DDAH1: variants seen among roughly 807,000 people sequenced by gnomAD.
DDAH1 encodes the protein dimethylarginine dimethylaminohydrolase 1, also known as N(G),N(G)-dimethylarginine dimethylaminohydrolase 1.
Under a neutral mutation model 28.8 loss-of-function variants are expected in DDAH1, and 19 were observed. The ratio of observed to expected loss-of-function variants is 0.66; its 90% CI spans 0.46 to 0.97. The LOEUF (loss-of-function observed/expected upper bound fraction) is 0.97. Among genes scored for constraint, DDAH1 ranks in the 50% least tolerant of loss-of-function variants. The pLI is 0.00. For synonymous variants in DDAH1, 153 were observed against 154.4 expected (o/e 0.99, Z 0.07); for missense variants, 326 against 375.9 (o/e 0.87, Z 1.10).
chr1:85,398,007 A>G (rs1250284254), intron 1 of DDAH1, among the ~76,000 whole-genome samples: 6 of 140,656 alleles, frequency 4.3e-5, no homozygotes, highest in Non-Finnish European at 9.2e-5. Flanking sequence ...TTTTTTTTTC[A>G]TAAATTACCC....
intron 1 of DDAH1, among the ~76,000 whole-genome samples, chr1:85,450,634 A>T (rs992231762): frequency 1.3e-5 from 2 of 152,200 alleles, no homozygotes; most frequent in East Asian, 3.8e-4. Flanking sequence ...CACAGCATTC[A>T]AAAAACTTTG....
intron 2 of DDAH1, among the ~76,000 whole-genome samples, chr1:85,483,460 T>C (rs1046031423): frequency 2.6e-5 from 4 of 152,172 alleles, no homozygotes; most frequent in Non-Finnish European, 4.4e-5. Flanking sequence ...AAAAAATCTT[T>C]AGTATTTTAA....
At chr1:85,445,063 T>C (rs2100659724) in intron 1 of DDAH1, among the ~76,000 whole-genome samples, 1 of 152,284 alleles carries the variant, frequency 6.6e-6, no homozygotes, top group Non-Finnish European at 1.5e-5. Context: ...GTCTCTCTTT[T>C]CACATTTTTC....
At chr1:85,475,297 C>T (rs561208847) in intron 2 of DDAH1, among the ~76,000 whole-genome samples, 31 of 152,212 alleles carry the variant, frequency 2.0e-4, no homozygotes, top group Admixed American at 9.8e-4. Context: ...GCTCAACAAA[C>T]GTTAGCCACT....
At chr1:85,336,457 T>TAAGA (rs1055077422) in intron 4 of DDAH1, among the ~76,000 whole-genome samples, 2 of 150,768 alleles carry the variant, frequency 1.3e-5, no homozygotes, top group Non-Finnish European at 3.0e-5. Context: ...ATGAAGAAAT[T>TAAGA]AAGAAAGAAA....
chr1:85,366,207 A>G (rs1317846769), intron 1 of DDAH1, among the ~76,000 whole-genome samples: 1 of 152,342 alleles, frequency 6.6e-6, no homozygotes, highest in South Asian at 2.1e-4. Flanking sequence ...AAAAGTTATC[A>G]AAGTCAAATA....
rs1015701223 is a variant in DDAH1, at chr1:85,474,861, A to G, written c.-7+21305T>C. Among the ~76,000 whole-genome samples the G allele has an allele frequency of 2.0e-5, 3 of 152,100 alleles. No homozygotes were observed. The East Asian group carries it at 5.8e-4, about 29-fold the overall frequency. Reference sequence around the variant, plus strand: ...AGAATCTATGATTCTGTTGCTCCCAATGCTTATAAATTGCTATGGGAGAGT... The same window carrying G: ...AGAATCTATGATTCTGTTGCTCCCAGTGCTTATAAATTGCTATGGGAGAGT... On this transcript the variant is annotated intron_variant, in intron 2 of 6. Transcript: ENST00000426972.
At chr1:85,551,683 T>A (rs1191312182) in intron 1 of DDAH1, among the ~76,000 whole-genome samples, 1 of 152,198 alleles carries the variant, frequency 6.6e-6, no homozygotes, top group East Asian at 1.9e-4. Context: ...ATACACATGA[T>A]GCTAAAATGG....
chr1:85,345,089 A>G (rs2100830731), intron 4 of DDAH1, among the ~76,000 whole-genome samples: 1 of 152,280 alleles, frequency 6.6e-6, no homozygotes, highest in Non-Finnish European at 1.5e-5. Flanking sequence ...GGCCCTCTGG[A>G]CCATGACTGC....
At chr1:85,554,557 TCTTAA>T (rs1379348929) in intron 1 of DDAH1, among the ~76,000 whole-genome samples, 1 of 152,238 alleles carries the variant, frequency 6.6e-6, no homozygotes, top group African/African-American at 2.4e-5. Flanking sequence ...CCTGGAGAAG[TCTTAA>T]CTTTGTCTCT....
chr1:85,339,892 A>C (rs1376095175), intron 4 of DDAH1, among the ~76,000 whole-genome samples: 1 of 152,190 alleles, frequency 6.6e-6, no homozygotes, highest in African/African-American at 2.4e-5. Context: ...GACCGAAGGT[A>C]CTGGTGTTGG....
intron 1 of DDAH1, among the ~76,000 whole-genome samples, chr1:85,418,610 C>A (rs1652990427): frequency 6.6e-6 from 1 of 152,198 alleles, no homozygotes; most frequent in Admixed American, 6.5e-5. Context: ...TGCTCGTTTG[C>A]AGAGGAAGTC....
At chr1:85,332,553 G>A (rs1647839499) in intron 4 of DDAH1, among the ~76,000 whole-genome samples, 2 of 152,136 alleles carry the variant, frequency 1.3e-5, no homozygotes, top group African/African-American at 4.8e-5. Flanking sequence ...CCACAGCCTG[G>A]GCCCATGGGC....
chr1:85,519,965 T>C (rs1454146604), intron 1 of DDAH1, among the ~76,000 whole-genome samples: 1 of 139,636 alleles, frequency 7.2e-6, no homozygotes, highest in African/African-American at 2.5e-5. Flanking sequence ...TCATTCTTTT[T>C]TTTCCCCTTT....
intron 1 of DDAH1, among the ~76,000 whole-genome samples, chr1:85,443,182 C>A (rs567917499): frequency 4.6e-5 from 7 of 152,262 alleles, no homozygotes; most frequent in African/African-American, 1.4e-4. Flanking sequence ...AGTCTTTAAT[C>A]CATCTTGAAT....
intron 4 of DDAH1, among the ~76,000 whole-genome samples, chr1:85,344,385 C>T (rs950716838): frequency 2.0e-5 from 3 of 152,158 alleles, no homozygotes; most frequent in African/African-American, 2.4e-5. Flanking sequence ...TCCTCTCCCA[C>T]GGGGTTAGGA....
intron 1 of DDAH1, among the ~76,000 whole-genome samples, chr1:85,445,459 A>G (rs181715582): frequency 1.4e-3 from 215 of 152,340 alleles, no homozygotes; most frequent in African/African-American, 4.8e-3. Flanking sequence ...ACAAATGTGA[A>G]TCTGCACGCC....
At chr1:85,446,352 C>A (rs1005525912) in intron 1 of DDAH1, among the ~76,000 whole-genome samples, 6 of 152,106 alleles carry the variant, frequency 3.9e-5, no homozygotes, top group African/African-American at 1.4e-4. Flanking sequence ...TGAGAACTCA[C>A]TGACTATCAT....
intron 1 of DDAH1, among the ~76,000 whole-genome samples, chr1:85,405,756 G>C (rs545261209): frequency 6.6e-6 from 1 of 152,302 alleles, no homozygotes; most frequent in East Asian, 1.9e-4. Flanking sequence ...GGGGAGACAA[G>C]AACCCAAGAA....
Sources: allele counts gnomAD v4.1 joint callset (sites outside exome capture counted in the v4.1 genomes callset), GRCh38; gene constraint gnomAD v4.1.1; transcripts MANE v1.5; gene names NCBI Gene and HGNC (gene_info 2026-07-23, HGNC 2026-07-21).